Variants in DNAH12 observed in about 807,000 individuals in gnomAD.
DNAH12 encodes the protein axonemal beta dynein heavy chain 12.
A neutral mutation model predicts 371.5 loss-of-function variants in DNAH12; 285 were observed. The ratio of observed to expected loss-of-function variants is 0.77; its 90% CI spans 0.70 to 0.85. The LOEUF (loss-of-function observed/expected upper bound fraction) is 0.85. Among genes scored for constraint, DNAH12 ranks in the 40% least tolerant of loss-of-function variants. DNAH12 has a pLI of 0.00. For missense variants in DNAH12, 3,611 were observed against 3,689.4 expected, an observed-to-expected ratio of 0.98 and a Z score of 0.55; for synonymous variants, 1,200 against 1,213.0, an observed-to-expected ratio of 0.99 and a Z score of 0.22.
intron 4 of DNAH12, among the ~76,000 whole-genome samples, chr3:57,523,120 A>C (rs1268696632): frequency 6.6e-6 from 1 of 152,138 alleles, no homozygotes; most frequent in Non-Finnish European, 1.5e-5. Context: ...CAGTGGCTCA[A>C]ACCTGTATTT....
chr3:57,407,516 T>C (rs9311646), intron 40 of DNAH12, among the ~76,000 whole-genome samples: 48,746 of 152,060 alleles, frequency 0.32, 10,183 homozygotes, highest in African/African-American at 0.59. Context: ...TTTTAGAAGA[T>C]TGATGTTCTT....
intron 9 of DNAH12, 131 bp from the exon 10 acceptor site, chr3:57,502,610 T>G: frequency 6.3e-6 from 6 of 949,030 alleles, no homozygotes; most frequent in Non-Finnish European, 9.0e-6. Context: ...AGCGCATTGG[T>G]GCGATCTCGG....
chr3:57,383,776 G>GAGAAA lies in DNAH12; in HGVS notation c.7860+1048_7860+1052dup, dbSNP rs1254155946. On this transcript the variant is annotated intron_variant, in intron 49 of 73. Coordinates refer to ENST00000495027, the MANE Select transcript of DNAH12 (RefSeq NM_001366028.2). ...CCCTGTCTTAAAAAAAAAAAAAAAG[G>GAGAAA]AGAAAAGAAAAGAAAAAAAGTACTG... 1.1e-3 allele frequency among the ~76,000 whole-genome samples: 160 copies of GAGAAA among 148,456 alleles called. 1 individual carries two copies. The highest frequency in any genetic ancestry group is 2.0e-3 in the Non-Finnish European group (131 of 67,064).
chr3:57,447,591 ATATTTTTACTT>A (rs375209902), intron 25 of DNAH12, among the ~76,000 whole-genome samples: 1,523 of 152,284 alleles, frequency 0.01, 35 homozygotes, highest in Non-Finnish European at 9.5e-3. Flanking sequence ...AAAGTGATAA[ATATTTTTACTT>A]TATTTTTACT....
At chr3:57,475,612 AC>A (rs1212715722) in intron 13 of DNAH12, among the ~76,000 whole-genome samples, 1 of 152,198 alleles carries the variant, frequency 6.6e-6, no homozygotes, top group Non-Finnish European at 1.5e-5. Context: ...AAGGTACATA[AC>A]CCAAAAAAAT....
chr3:57,447,808 G>A (rs1192751777), intron 25 of DNAH12, among the ~76,000 whole-genome samples: 7 of 152,000 alleles, frequency 4.6e-5, no homozygotes, highest in African/African-American at 1.7e-4. Flanking sequence ...CGAGTAGCGA[G>A]GACTATAGGT....
chr3:57,441,606 A>G (rs924547856), intron 29 of DNAH12, among the ~76,000 whole-genome samples: 2 of 152,136 alleles, frequency 1.3e-5, no homozygotes, highest in African/African-American at 4.8e-5. Context: ...AACCTGAGCA[A>G]CAAAGTAAAA....
chr3:57,326,009 A>T (rs2153299766), intron 62 of DNAH12, among the ~76,000 whole-genome samples: 1 of 152,274 alleles, frequency 6.6e-6, no homozygotes, highest in South Asian at 2.1e-4. Flanking sequence ...AGTTTAGAGA[A>T]AAAAGAATAA....
At chr3:57,432,168 C>CT (rs61049709) in intron 32 of DNAH12, among the ~76,000 whole-genome samples, 32,552 of 131,112 alleles carry the variant, frequency 0.25, 5,025 homozygotes, top group African/African-American at 0.38. Context: ...TTCAGTATAT[C>CT]TTTTTTTTTT....
chr3:57,459,584 C>T lies in DNAH12; in HGVS notation c.2931+8G>A, dbSNP rs989720118. The T allele has an allele frequency of 5.5e-6, 8 of 1,446,052 alleles. No individual in the cohort carries two copies. Among genetic ancestry groups the T allele is most frequent in the South Asian group, 1.5e-5 (1 of 67,562 alleles). 89.6% of individuals were successfully genotyped at this position (1,446,052 alleles called of 1,614,324 possible). A position where few individuals can be genotyped will look rare whatever the true frequency, so the allele number is the denominator to read the frequency against. On this transcript the variant is annotated splice_region_variant and intron_variant, in intron 20 of 73. Coordinates refer to ENST00000495027, the MANE Select transcript of DNAH12 (RefSeq NM_001366028.2). Reference sequence around the variant, plus strand: ...CACCTACTGTGAGAGAGAAAACAAACACTTCACCTTTGGATCTTTAGCACA... The same window carrying T: ...CACCTACTGTGAGAGAGAAAACAAATACTTCACCTTTGGATCTTTAGCACA...
intron 2 of DNAH12, among the ~76,000 whole-genome samples, chr3:57,536,807 T>C (rs1413716512): frequency 1.3e-5 from 2 of 152,172 alleles, no homozygotes; most frequent in Non-Finnish European, 2.9e-5. Flanking sequence ...CCCTTTAACA[T>C]AGCAACAATT....
intron 2 of DNAH12, among the ~76,000 whole-genome samples, chr3:57,536,082 A>C (rs540149134): frequency 1.4e-5 from 2 of 143,596 alleles, no homozygotes; most frequent in Non-Finnish European, 3.1e-5. Context: ...TGATCCACCC[A>C]CCTTGGCCTC....
intron 2 of DNAH12, among the ~76,000 whole-genome samples, chr3:57,537,221 A>G (rs1224522325): frequency 6.6e-6 from 1 of 152,126 alleles, no homozygotes; most frequent in Non-Finnish European, 1.5e-5. Context: ...GGTGGCAAAA[A>G]CATGAATAAT....
intron 60 of DNAH12, among the ~76,000 whole-genome samples, chr3:57,335,384 A>G (rs542551573): frequency 6.6e-6 from 1 of 152,348 alleles, no homozygotes; most frequent in East Asian, 1.9e-4. Context: ...TGAATGTCTT[A>G]AAAATCTACA....
At chr3:57,511,562 C>T (rs2068000132) in intron 4 of DNAH12, among the ~76,000 whole-genome samples, 1 of 152,174 alleles carries the variant, frequency 6.6e-6, no homozygotes, top group South Asian at 2.1e-4. Flanking sequence ...TATCTACATA[C>T]ATTTTTATGG....
chr3:57,369,209 G>A (rs2063114688), intron 55 of DNAH12, among the ~76,000 whole-genome samples: 1 of 90,942 alleles, frequency 1.1e-5, no homozygotes, highest in African/African-American at 3.6e-5. Context: ...AACAAAGATT[G>A]AAACTCCATT....
At chr3:57,426,969 C>T (rs969900026) in intron 34 of DNAH12, among the ~76,000 whole-genome samples, 3 of 151,746 alleles carry the variant, frequency 2.0e-5, no homozygotes, top group African/African-American at 4.8e-5. Flanking sequence ...CTATAAGGGA[C>T]TTTGTCTATT....
chr3:57,330,812 C>G (rs1419330841), intron 62 of DNAH12, among the ~76,000 whole-genome samples: 1 of 152,058 alleles, frequency 6.6e-6, no homozygotes, highest in Admixed American at 6.6e-5. Context: ...AACATCAACT[C>G]CTCCTTGAGT....
At chr3:57,488,772 A>T (rs1374105200) in intron 12 of DNAH12, among the ~76,000 whole-genome samples, 2 of 152,212 alleles carry the variant, frequency 1.3e-5, no homozygotes, top group Non-Finnish European at 2.9e-5. Context: ...CACAGATAAC[A>T]AATGAGTTCA....
Sources: allele counts gnomAD v4.1 joint callset (sites outside exome capture counted in the v4.1 genomes callset), GRCh38; gene constraint gnomAD v4.1.1; transcripts MANE v1.5; gene names NCBI Gene and HGNC (gene_info 2026-07-23, HGNC 2026-07-21).